The following UVRAG variants were observed in gnomAD, a reference collection of about 807,000 sequenced individuals.
The protein encoded by UVRAG is UV radiation resistance associated, also known as UV radiation resistance-associated gene protein.
Under a neutral mutation model 78.0 loss-of-function variants are expected in UVRAG, and 19 were observed. That is an observed-to-expected ratio of 0.24 (90% CI 0.17 to 0.36). The LOEUF (loss-of-function observed/expected upper bound fraction) is 0.36, where lower values mean the gene tolerates loss of function less well. Among genes scored for constraint, UVRAG ranks in the 10% least tolerant of loss-of-function variants. The probability of loss-of-function intolerance (pLI) is 1.00; values close to 1 mark genes in which losing one functional copy is unlikely to be tolerated. For synonymous variants in UVRAG, 323 were observed against 324.6 expected, an observed-to-expected ratio of 1.00 and a Z score of 0.05; for missense variants, 740 against 853.8, an observed-to-expected ratio of 0.87 and a Z score of 1.66.
intron 1 of UVRAG, among the ~76,000 whole-genome samples, chr11:75,848,429 G>C (rs1946082028): frequency 1.3e-5 from 2 of 152,264 alleles, no homozygotes; most frequent in African/African-American, 4.8e-5. Context: ...AATGTGGTTT[G>C]TTCTGTTTAT....
At chr11:75,839,862 T>TATAGAGAG (rs146855804) in intron 1 of UVRAG, among the ~76,000 whole-genome samples, 20 of 149,036 alleles carry the variant, frequency 1.3e-4, no homozygotes, top group African/African-American at 4.5e-4. Flanking sequence ...CATATATATA[T>TATAGAGAG]AGAGAGAGAG....
At chr11:75,922,769 G>A (rs890707630) in intron 6 of UVRAG, among the ~76,000 whole-genome samples, 3 of 151,776 alleles carry the variant, frequency 2.0e-5, no homozygotes, top group Admixed American at 6.6e-5. Flanking sequence ...CCAACATGGC[G>A]AAACCCCGTC....
chr11:75,838,189 A>C (rs867404073), intron 1 of UVRAG, among the ~76,000 whole-genome samples: 1 of 152,196 alleles, frequency 6.6e-6, no homozygotes, highest in African/African-American at 2.4e-5. Context: ...ATAGCATTTC[A>C]CTGTAGGATA....
chr11:75,860,883 T>A (rs1299943046), intron 2 of UVRAG, among the ~76,000 whole-genome samples: 1 of 152,000 alleles, frequency 6.6e-6, no homozygotes, highest in Non-Finnish European at 1.5e-5. Context: ...TCTCCTGGGT[T>A]CAAGCAATTC....
At chr11:76,016,534 G>A (rs894753984) in intron 11 of UVRAG, among the ~76,000 whole-genome samples, 35 of 152,032 alleles carry the variant, frequency 2.3e-4, no homozygotes, top group Non-Finnish European at 2.9e-5. Flanking sequence ...AGAAAGCAAT[G>A]GTTATTTGGA....
chr11:75,829,842 T>C (rs1945614582), intron 1 of UVRAG, among the ~76,000 whole-genome samples: 1 of 152,242 alleles, frequency 6.6e-6, no homozygotes, highest in African/African-American at 2.4e-5. Flanking sequence ...TGTCTTCTTT[T>C]TCTTTTTACT....
chr11:75,934,054 A>T (rs182006772), intron 6 of UVRAG, among the ~76,000 whole-genome samples: 29 of 152,318 alleles, frequency 1.9e-4, no homozygotes, highest in African/African-American at 7.0e-4. Context: ...CTGTACTCCC[A>T]TGTTTATCAC....
chr11:75,920,008 GTTTTTTTTTTTTTTTT>G (rs140217190), intron 6 of UVRAG, among the ~76,000 whole-genome samples: 57 of 55,498 alleles, frequency 1.0e-3, no homozygotes, highest in East Asian at 2.5e-3. Flanking sequence ...AATAATTTTG[GTTTTTTTTTTTTTTTT>G]TTTTTTTTTT....
chr11:76,042,505 G>T (rs1247171016), intron 12 of UVRAG, among the ~76,000 whole-genome samples: 1 of 152,174 alleles, frequency 6.6e-6, no homozygotes, highest in Non-Finnish European at 1.5e-5. Context: ...TCTTGGGTAT[G>T]TGGAAAGTGG....
chr11:75,886,055 G>A (rs547820357), intron 4 of UVRAG, among the ~76,000 whole-genome samples: 175 of 152,232 alleles, frequency 1.1e-3, no homozygotes, highest in South Asian at 4.8e-3. Context: ...GTTGGATAGA[G>A]TAGGGGTACC....
chr11:75,889,315 AG>A (rs1314007921), intron 5 of UVRAG, among the ~76,000 whole-genome samples: 3 of 152,228 alleles, frequency 2.0e-5, no homozygotes, highest in Non-Finnish European at 4.4e-5. Context: ...TACATCTAAA[AG>A]TTATTAGAGA....
rs1366788993 is a variant in UVRAG at position 75,828,732 on chromosome 11, TATATATATATATATACACACAC to T, written c.117+13224_117+13245del. 9.8e-3 allele frequency among the ~76,000 whole-genome samples: 858 copies of T among 87,490 alleles called. 13 individuals are homozygous for T. Among genetic ancestry groups the T allele is most frequent in the African/African-American group, 0.06 (809 of 13,410 alleles). The allele number at this position is 87,490 out of a possible 152,430, so 57.4% of individuals were successfully genotyped here. On this transcript the variant is annotated intron_variant, in intron 1 of 14. Coordinates refer to ENST00000356136, the MANE Select transcript of UVRAG (RefSeq NM_003369.4). ...ATATGTGTATATATATGTGTGTGTG[TATATATATATATATACACACAC>T]ATATATATATATATATATATACACA...
chr11:76,081,230 T>C (rs57307347), intron 13 of UVRAG, among the ~76,000 whole-genome samples: 21,059 of 151,652 alleles, frequency 0.14, 3,811 homozygotes, highest in African/African-American at 0.42. Context: ...TTTTTTGAGA[T>C]GGTCTCGCTC....
intron 3 of UVRAG, among the ~76,000 whole-genome samples, chr11:75,865,452 A>G (rs1353394102): frequency 4.6e-5 from 7 of 152,182 alleles, no homozygotes; most frequent in Admixed American, 4.6e-4. Flanking sequence ...CGTATTGTTC[A>G]GTACAGTTGC....
intron 7 of UVRAG, among the ~76,000 whole-genome samples, chr11:75,964,221 CTT>C (rs990632207): frequency 6.6e-6 from 1 of 152,108 alleles, no homozygotes. Flanking sequence ...CTTGTAATCT[CTT>C]TGTCTCATTT....
At chr11:75,887,682 C>T (rs1444059681) in intron 4 of UVRAG, among the ~76,000 whole-genome samples, 1 of 150,670 alleles carries the variant, frequency 6.6e-6, no homozygotes, top group Admixed American at 6.6e-5. Context: ...CTCCTGACCT[C>T]GTGATCCACC....
At chr11:76,029,656 T>G (rs1228318587) in intron 12 of UVRAG, among the ~76,000 whole-genome samples, 1 of 152,170 alleles carries the variant, frequency 6.6e-6, no homozygotes, top group Non-Finnish European at 1.5e-5. Flanking sequence ...GCAAAGAAAG[T>G]GGTTCCTTGA....
chr11:76,126,097 A>G (rs550362740), intron 14 of UVRAG, among the ~76,000 whole-genome samples: 4 of 150,158 alleles, frequency 2.7e-5, no homozygotes, highest in African/African-American at 7.6e-5. Flanking sequence ...CCACAGGCGC[A>G]TGCCACCTCA....
chr11:75,883,257 T>C (rs189782349), intron 4 of UVRAG, among the ~76,000 whole-genome samples: 1 of 151,632 alleles, frequency 6.6e-6, no homozygotes, highest in African/African-American at 2.4e-5. Flanking sequence ...TTTCCTTCGG[T>C]GGTGGTCTTG....
Sources: gnomAD v4.1 joint callset for allele counts (sites outside exome capture counted in the v4.1 genomes callset) on GRCh38, gnomAD v4.1.1 for gene constraint, MANE v1.5 for transcripts, NCBI Gene and HGNC (gene_info 2026-07-23, HGNC 2026-07-21) for gene names.